CRY1: variants seen among roughly 807,000 people sequenced by gnomAD.
The protein encoded by CRY1 is cryptochrome circadian regulator 1.
In CRY1, 45 loss-of-function variants were observed where a neutral mutation model predicts 76.0. The ratio of observed to expected loss-of-function variants is 0.59; its 90% CI spans 0.47 to 0.76. CRY1 has a LOEUF of 0.76. Ranked by LOEUF, CRY1 falls within the 30% of genes least tolerant of loss-of-function variation. The pLI is 0.00. For missense variants in CRY1, 587 were observed against 716.4 expected (o/e 0.82, Z 2.06); for synonymous variants, 248 against 244.0 (o/e 1.02, Z -0.15).
chr12:107,009,908 T>C (rs1412422685), intron 2 of CRY1, among the ~76,000 whole-genome samples: 1 of 151,952 alleles, frequency 6.6e-6, no homozygotes, highest in African/African-American at 2.4e-5. Flanking sequence ...ATAAAATGAG[T>C]TGGGAAGTAA....
At chr12:107,002,596 C>T (rs377167268) in intron 3 of CRY1, among the ~76,000 whole-genome samples, 12 of 152,198 alleles carry the variant, frequency 7.9e-5, no homozygotes, top group African/African-American at 2.9e-4. Flanking sequence ...TAACTAAAAT[C>T]CTTACTCTGT....
At chr12:107,036,589 T>G (rs954345460) in intron 1 of CRY1, among the ~76,000 whole-genome samples, 14 of 152,072 alleles carry the variant, frequency 9.2e-5, no homozygotes, top group African/African-American at 2.4e-4. Flanking sequence ...TTGGTGGTTT[T>G]TTTTTTTTTT....
chr12:106,997,691 C>T lies in CRY1; in HGVS notation c.1290-1G>A, dbSNP rs773096858. The stretch of plus-strand genomic sequence containing the variant: ...GCCTCTTAGGACAGGCAAATAACGC[C>T]TTTGGGAGAAAAAAGAAAGATTACT... On this transcript the variant is annotated splice_acceptor_variant, in intron 8 of 12. Coordinates refer to ENST00000008527, the MANE Select transcript of CRY1 (RefSeq NM_004075.5). LOFTEE classifies it high-confidence loss of function. The T allele has an allele frequency of 7.4e-6, 12 of 1,613,218 alleles. No individual in the cohort carries two copies. The African/African-American group carries it at 1.5e-4, about 20-fold the overall frequency.
intron 1 of CRY1, among the ~76,000 whole-genome samples, chr12:107,027,957 C>T (rs1952633979): frequency 6.6e-6 from 1 of 152,282 alleles, no homozygotes. Context: ...CCATGTGGTT[C>T]TGTATGCTAG....
At chr12:107,075,545 G>C (rs1953242095) in intron 1 of CRY1, among the ~76,000 whole-genome samples, 1 of 152,146 alleles carries the variant, frequency 6.6e-6, no homozygotes, top group South Asian at 2.1e-4. Context: ...CAGTCTGCGG[G>C]TGTAATTTAC....
chr12:107,020,981 GT>G (rs1165777097), intron 2 of CRY1, among the ~76,000 whole-genome samples: 5 of 152,154 alleles, frequency 3.3e-5, no homozygotes, highest in Non-Finnish European at 7.4e-5. Flanking sequence ...ATCCTACTAA[GT>G]TTTTTAAAAA....
rs1055170994 is a variant in CRY1, at chr12:107,093,130, G to A, written c.-169C>T. 2 of 777,842 alleles carry A rather than the reference G, an allele frequency of 2.6e-6. No individual in the cohort carries two copies. The highest frequency in any genetic ancestry group is 3.9e-6 in the Non-Finnish European group (2 of 517,866). 48.2% of individuals were successfully genotyped at this position (777,842 alleles called of 1,614,324 possible). ...GAGGAGGGGACCGGAGAAGGCGGGGGCGCCGGAGGCGCAGTGGAAAGATGA... is the reference window on the plus strand; with the variant it reads ...GAGGAGGGGACCGGAGAAGGCGGGGACGCCGGAGGCGCAGTGGAAAGATGA... On this transcript the variant is annotated 5_prime_UTR_variant, in exon 1 of 13. Coordinates refer to ENST00000008527, the MANE Select transcript of CRY1 (RefSeq NM_004075.5).
At chr12:107,046,332 C>T (rs1952848983) in intron 1 of CRY1, among the ~76,000 whole-genome samples, 1 of 150,026 alleles carries the variant, frequency 6.7e-6, no homozygotes, top group African/African-American at 2.4e-5. Flanking sequence ...CATCTAAAAA[C>T]ACAAAGACAA....
intron 1 of CRY1, among the ~76,000 whole-genome samples, chr12:107,067,744 C>G (rs541118504): frequency 8.5e-5 from 13 of 152,100 alleles, no homozygotes; most frequent in Admixed American, 2.6e-4. Flanking sequence ...GTGTAGGGGA[C>G]AGGAGAAGGA....
intron 10 of CRY1, among the ~76,000 whole-genome samples, chr12:106,993,582 T>C (rs2136815459): frequency 6.6e-6 from 1 of 152,086 alleles, no homozygotes; most frequent in East Asian, 1.9e-4. Context: ...AGAAGTATGT[T>C]TTAGGGAAAC....
At chr12:107,002,022 G>T (rs1952318316) in intron 3 of CRY1, 74 bp from the exon 4 acceptor site, 2 of 1,258,222 alleles carry the variant, frequency 1.6e-6, no homozygotes, top group South Asian at 1.5e-5. Context: ...CTCCCAAAAG[G>T]CTTAAAAAGC....
Position 107,073,498 on chromosome 12 carries a change from G to A in CRY1, c.158+19306C>T, listed in dbSNP as rs150878018. 2.3e-3 allele frequency among the ~76,000 whole-genome samples: 346 copies of A among 152,260 alleles called. 2 individuals are homozygous for A. Among genetic ancestry groups the A allele is most frequent in the African/African-American group, 7.9e-3 (330 of 41,554 alleles). On this transcript the variant is annotated intron_variant, in intron 1 of 12. Coordinates refer to ENST00000008527, the MANE Select transcript of CRY1 (RefSeq NM_004075.5). ...TCCCAGCACTTTGGGAGGCTGCAGA[G>A]GGCAGATCACTTGAGGTCAGGAGTT... is the stretch of plus-strand genomic sequence containing the variant.
intron 1 of CRY1, among the ~76,000 whole-genome samples, chr12:107,032,460 T>C (rs531721462): frequency 3.4e-4 from 51 of 151,824 alleles, no homozygotes; most frequent in Non-Finnish European, 4.4e-5. Flanking sequence ...AGCATGACAA[T>C]GCGTTTAAAG....
At position 107,093,288 on chromosome 12, in the gene CRY1, G is replaced by C; in HGVS notation, c.-327C>G. The C allele has an allele frequency of 7.1e-6, 2 of 282,604 alleles. No homozygotes were observed. The highest frequency in any genetic ancestry group is 4.8e-5 in the Admixed American group (1 of 20,894). The allele number at this position is 282,604 out of a possible 1,614,324, so 17.5% of individuals were successfully genotyped here. ...GAGCCTGAGCAAGTTCCAGGAGCTC[G>C]AGCCGCCACGACGGCCCGAGCCGGC... On this transcript the variant is annotated 5_prime_UTR_variant, in exon 1 of 13. Coordinates refer to ENST00000008527, the MANE Select transcript of CRY1 (RefSeq NM_004075.5).
intron 1 of CRY1, among the ~76,000 whole-genome samples, chr12:107,031,188 T>A (rs941698133): frequency 1.2e-4 from 19 of 152,058 alleles, no homozygotes; most frequent in African/African-American, 3.6e-4. Flanking sequence ...GCATAACAGG[T>A]CACAGGGAGC....
At chr12:107,004,971 T>C in intron 3 of CRY1, 135 bp downstream of exon 3, 1 of 721,746 alleles carries the variant, frequency 1.4e-6, no homozygotes, top group Middle Eastern at 3.6e-4. Context: ...GTACATGTTA[T>C]TTCTACTTTA....
intron 2 of CRY1, among the ~76,000 whole-genome samples, chr12:107,015,833 T>C (rs915176652): frequency 1.3e-5 from 2 of 151,968 alleles, no homozygotes; most frequent in African/African-American, 2.4e-5. Flanking sequence ...TACAGGTGTA[T>C]GCTACCATGC....
At chr12:107,071,238 G>A (rs1362499332) in intron 1 of CRY1, among the ~76,000 whole-genome samples, 1 of 152,152 alleles carries the variant, frequency 6.6e-6, no homozygotes, top group African/African-American at 2.4e-5. Context: ...GCATGATGCT[G>A]ACTTTTGAGC....
chr12:107,051,403 A>C (rs1952919185), intron 1 of CRY1, among the ~76,000 whole-genome samples: 1 of 152,188 alleles, frequency 6.6e-6, no homozygotes, highest in Non-Finnish European at 1.5e-5. Context: ...ATTGTATCTG[A>C]AGCACTTTCA....
Sources: allele counts gnomAD v4.1 joint callset (sites outside exome capture counted in the v4.1 genomes callset), GRCh38; gene constraint gnomAD v4.1.1; transcripts MANE v1.5; gene names NCBI Gene and HGNC (gene_info 2026-07-23, HGNC 2026-07-21).